ARHGAP8: variants seen among roughly 807,000 people sequenced by gnomAD.
The protein encoded by ARHGAP8 is rho GTPase-activating protein 8.
Under a neutral mutation model 46.1 loss-of-function variants are expected in ARHGAP8, and 62 were observed. That is an observed-to-expected ratio of 1.34 (90% CI 1.10 to 1.66). The LOEUF (loss-of-function observed/expected upper bound fraction) is 1.66, where lower values mean the gene tolerates loss of function less well. ARHGAP8 is among the 40% of genes most tolerant of loss of function. ARHGAP8 has a pLI of 0.00. For synonymous variants in ARHGAP8, 375 were observed against 243.1 expected (o/e 1.54, Z -5.05); for missense variants, 923 against 568.4 (o/e 1.62, Z -6.34).
intron 2 of ARHGAP8, among the ~76,000 whole-genome samples, chr22:44,797,560 C>T (rs1209302031): frequency 1.3e-5 from 2 of 152,150 alleles, no homozygotes; most frequent in South Asian, 2.1e-4. Context: ...AAATGGAAAG[C>T]GTGACCAGAA....
chr22:44,785,634 A>T lies in ARHGAP8; in HGVS notation c.-71-823A>T, dbSNP rs141485406. On this transcript the variant is annotated intron_variant, in intron 1 of 11. Transcript: ENST00000356099. ...CTCCAGGAGGAATACTGGGGTGGGG[A>T]GGGGATAGTCTTCAACCCCCTACAC... Among the ~76,000 whole-genome samples, 10 of 152,226 alleles carry T rather than the reference A, an allele frequency of 6.6e-5. No individual in the cohort carries two copies. In the East Asian group the frequency reaches 1.9e-3, roughly 29 times the overall value.
chr22:44,808,398 C>A lies in ARHGAP8; in HGVS notation c.259C>A (p.Leu87Met). ...GCTGAACAGCCGGAACAAGCCTTCC[C>A]TGGGCTGGCTCCAGAGCGCATACAA... The part of the protein sequence containing the change: ...YGLNSRNKPS[L>M]GWLQSAYKEF... Residue 87 changes from leucine (L) to methionine (M), a missense_variant, in exon 4 of 12, where the codon CTG becomes ATG. Transcript: ENST00000356099. 6.2e-7 allele frequency: 1 copy of A among 1,614,234 alleles called. No individual in the cohort carries two copies. Among genetic ancestry groups the A allele is most frequent in the Non-Finnish European group, 8.5e-7 (1 of 1,180,038 alleles).
chr22:44,785,760 A>G (rs1602171897), intron 1 of ARHGAP8, among the ~76,000 whole-genome samples: 1 of 150,382 alleles, frequency 6.6e-6, no homozygotes, highest in South Asian at 2.1e-4. Flanking sequence ...TTGCATGAGA[A>G]CCTCCCCTGC....
intron 5 of ARHGAP8, among the ~76,000 whole-genome samples, chr22:44,815,334 G>C (rs1205719955): frequency 6.6e-6 from 1 of 152,160 alleles, no homozygotes; most frequent in Non-Finnish European, 1.5e-5. Context: ...TAGGCACGGA[G>C]CATCCACCCG....
In ARHGAP8 at chr22:44,786,452, CGCAGAGCT is replaced by C; in HGVS notation, c.-69_-62del. The C allele has an allele frequency of 6.9e-6, 11 of 1,590,088 alleles. No homozygotes were observed. In the South Asian group the frequency reaches 1.0e-4, roughly 15 times the overall value. ...ACTGACTTCCTTTAATCTTCTTTGC[CGCAGAGCT>C]GCAGAGAGACAAGGCGGCGGCGGCT... On this transcript the variant is annotated splice_acceptor_variant and splice_polypyrimidine_tract_variant and 5_prime_UTR_variant and intron_variant, in exon 2 of 12. Transcript: ENST00000356099. LOFTEE classifies it low-confidence loss of function (5UTR_SPLICE).
chr22:44,775,013 G>A (rs181229047), intron 1 of ARHGAP8, among the ~76,000 whole-genome samples: 20 of 151,758 alleles, frequency 1.3e-4, no homozygotes, highest in African/African-American at 4.1e-4. Flanking sequence ...TGTATTTTTA[G>A]TAGAGACAGA....
intron 2 of ARHGAP8, among the ~76,000 whole-genome samples, chr22:44,790,395 C>T (rs1927571839): frequency 6.6e-6 from 1 of 151,826 alleles, no homozygotes; most frequent in Admixed American, 6.6e-5. Flanking sequence ...GGCCAGGCCA[C>T]CTACAGGCCA....
intron 6 of ARHGAP8, among the ~76,000 whole-genome samples, chr22:44,825,139 C>G (rs1014571920): frequency 1.3e-4 from 19 of 151,920 alleles, no homozygotes; most frequent in Non-Finnish European, 2.9e-5. Context: ...CCGGCCAGCT[C>G]TCGTCTTAAA....
intron 10 of ARHGAP8, chr22:44,850,498 GA>G (rs1406636170): frequency 4.6e-5 from 7 of 152,182 alleles, no homozygotes; most frequent in Admixed American, 1.3e-4. Context: ...GAAGCTTCCA[GA>G]AGCCTCCCAA....
At chr22:44,835,023 A>G (rs1278234374) in intron 7 of ARHGAP8, among the ~76,000 whole-genome samples, 1 of 152,098 alleles carries the variant, frequency 6.6e-6, no homozygotes, top group Non-Finnish European at 1.5e-5. Context: ...TGCAGACAGC[A>G]TATAATTAGG....
chr22:44,808,989 TG>T (rs1929144596), intron 4 of ARHGAP8: 1 of 417,554 alleles, frequency 2.4e-6, no homozygotes, highest in African/African-American at 2.1e-5. Context: ...AGCTAATTTT[TG>T]TATTTTTTTT....
chr22:44,801,222 G>A (rs796110634), intron 2 of ARHGAP8, among the ~76,000 whole-genome samples: 2 of 82,252 alleles, frequency 2.4e-5, no homozygotes, highest in Non-Finnish European at 4.7e-5. Flanking sequence ...GCCTCTCCCC[G>A]CAGCTGTCCA....
intron 4 of ARHGAP8, among the ~76,000 whole-genome samples, chr22:44,811,610 T>G (rs1929338596): frequency 2.6e-5 from 4 of 151,966 alleles, no homozygotes; most frequent in Admixed American, 2.6e-4. Context: ...CTTGGCTCAG[T>G]AGAAGCAAAA....
At chr22:44,836,843 C>T (rs865783049) in intron 7 of ARHGAP8, among the ~76,000 whole-genome samples, 15 of 151,966 alleles carry the variant, frequency 9.9e-5, no homozygotes, top group African/African-American at 3.6e-4. Flanking sequence ...CCATTCCTCC[C>T]TCCCCCTTCC....
At chr22:44,804,837 A>C (rs944937708) in intron 3 of ARHGAP8, among the ~76,000 whole-genome samples, 28 of 151,980 alleles carry the variant, frequency 1.8e-4, no homozygotes, top group Non-Finnish European at 5.9e-5. Context: ...TCTTCTGACC[A>C]CAGCTGAAAC....
At chr22:44,822,993 C>A (rs1930262983) in intron 6 of ARHGAP8, among the ~76,000 whole-genome samples, 1 of 152,238 alleles carries the variant, frequency 6.6e-6, no homozygotes, top group South Asian at 2.1e-4. Flanking sequence ...AGGGCGCGGC[C>A]AGATCCAGCC....
At chr22:44,778,725 T>C (rs1926602275) in intron 1 of ARHGAP8, among the ~76,000 whole-genome samples, 1 of 152,164 alleles carries the variant, frequency 6.6e-6, no homozygotes, top group Non-Finnish European at 1.5e-5. Flanking sequence ...CCATTCTTCC[T>C]TCTGTAACTT....
intron 2 of ARHGAP8, among the ~76,000 whole-genome samples, chr22:44,794,394 C>CT (rs1452894591): frequency 6.6e-6 from 1 of 152,114 alleles, no homozygotes. Flanking sequence ...CAGCCCTTTG[C>CT]TTTTTTTCTC....
chr22:44,768,481 T>TA (rs58252986), intron 1 of ARHGAP8, among the ~76,000 whole-genome samples: 13 of 146,578 alleles, frequency 8.9e-5, no homozygotes, highest in Admixed American at 6.0e-4. Context: ...TTTTTTTTTT[T>TA]ATCTTGTAGA....
Sources: gnomAD v4.1 joint callset for allele counts (sites outside exome capture counted in the v4.1 genomes callset) on GRCh38, gnomAD v4.1.1 for gene constraint, MANE v1.5 for transcripts, NCBI Gene and HGNC (gene_info 2026-07-23, HGNC 2026-07-21) for gene names.